Variants in SFXN1 observed in about 807,000 individuals in gnomAD.
SFXN1 encodes sideroflexin 1.
In SFXN1, 32 loss-of-function variants were observed where a neutral mutation model predicts 39.5. That is an observed-to-expected ratio of 0.81 (90% CI 0.61 to 1.09). SFXN1 has a LOEUF of 1.09. Among genes scored for constraint, SFXN1 ranks in the 50% least tolerant of loss-of-function variants. The pLI is 0.00. For missense variants in SFXN1, 402 were observed against 407.1 expected (o/e 0.99, Z 0.11); for synonymous variants, 136 against 146.5 (o/e 0.93, Z 0.52).
Position 175,492,453 on chromosome 5 carries a change from A to G in SFXN1, c.164+186A>G, listed in dbSNP as rs1759695419. 1.1e-5 allele frequency: 6 copies of G among 531,922 alleles called. No homozygotes were observed. In the East Asian group the frequency reaches 1.7e-4, roughly 15 times the overall value. The allele number at this position is 531,922 out of a possible 1,614,324, so 33.0% of individuals were successfully genotyped here. ...ATATCCCCCATTGCTCGCCCTTAAC[A>G]CAGATATCTAGGGTTCATATTAACC... On this transcript the variant is annotated intron_variant, in intron 2 of 10. Coordinates refer to ENST00000321442, the MANE Select transcript of SFXN1 (RefSeq NM_022754.7).
chr5:175,490,613 G>A (rs544508281), intron 1 of SFXN1, among the ~76,000 whole-genome samples: 17 of 152,274 alleles, frequency 1.1e-4, no homozygotes, highest in South Asian at 2.1e-4. Flanking sequence ...TGTAGGGAAG[G>A]GAAACAGGTA....
intron 8 of SFXN1, among the ~76,000 whole-genome samples, chr5:175,517,502 C>G (rs888015217): frequency 4.6e-5 from 7 of 152,072 alleles, no homozygotes; most frequent in African/African-American, 9.7e-5. Context: ...ACAAGGGAGC[C>G]TGGTTGTAGG....
chr5:175,522,340 A>T, intron 9 of SFXN1, 35 bp from the exon 10 acceptor site: 1 of 1,563,990 alleles, frequency 6.4e-7, no homozygotes, highest in Non-Finnish European at 8.6e-7. Context: ...TTAACCATTT[A>T]AAATGGTCTG....
intron 2 of SFXN1, among the ~76,000 whole-genome samples, chr5:175,495,254 A>T (rs1759815009): frequency 1.3e-5 from 2 of 152,216 alleles, no homozygotes; most frequent in Non-Finnish European, 2.9e-5. Context: ...AGAGTAGTCA[A>T]ATTCAGAGAC....
In SFXN1 at chr5:175,522,423, G is replaced by T. The variant is rs1474136377; in HGVS notation, c.872+1G>T. The T allele has an allele frequency of 1.2e-6, 2 of 1,611,756 alleles. No homozygotes were observed. Among genetic ancestry groups the T allele is most frequent in the Non-Finnish European group, 1.7e-6 (2 of 1,179,580 alleles). ...GTTGTGCCCTGTTTCCTCAGAAAAG[G>T]TATGTATTTGTTATTCGTCAGAATC... On this transcript the variant is annotated splice_donor_variant, in intron 10 of 10. Transcript: ENST00000321442. LOFTEE classifies it high-confidence loss of function.
At chr5:175,500,055 G>T (rs1473162676) in intron 2 of SFXN1, among the ~76,000 whole-genome samples, 1 of 152,156 alleles carries the variant, frequency 6.6e-6, no homozygotes, top group Non-Finnish European at 1.5e-5. Flanking sequence ...AGGCCTGGTG[G>T]TGCATGCCTG....
chr5:175,485,788 G>T (rs944244259), intron 1 of SFXN1, among the ~76,000 whole-genome samples: 6 of 152,188 alleles, frequency 3.9e-5, no homozygotes, highest in African/African-American at 1.4e-4. Context: ...GGGTTTAACT[G>T]GAGTGTGCAG....
chr5:175,495,825 T>G (rs2113290410), intron 2 of SFXN1, among the ~76,000 whole-genome samples: 1 of 151,584 alleles, frequency 6.6e-6, no homozygotes, highest in East Asian at 1.9e-4. Flanking sequence ...AATAGACAAG[T>G]GATGAATGTT....
At chr5:175,505,024 G>A (rs1016772854) in intron 2 of SFXN1, among the ~76,000 whole-genome samples, 6 of 151,972 alleles carry the variant, frequency 3.9e-5, no homozygotes, top group East Asian at 1.9e-4. Flanking sequence ...CATCGCACCC[G>A]GCCAGAACAA....
chr5:175,509,447 A>C (rs1760435059), intron 3 of SFXN1: 1 of 278,420 alleles, frequency 3.6e-6, no homozygotes, highest in East Asian at 6.2e-5. Context: ...ATGGGGTATT[A>C]TTGATGTAAA....
At chr5:175,515,979 C>G (rs1760706979) in intron 7 of SFXN1, among the ~76,000 whole-genome samples, 1 of 151,684 alleles carries the variant, frequency 6.6e-6, no homozygotes, top group Non-Finnish European at 1.5e-5. Context: ...GAGCGGGCAA[C>G]CTAGATCCCT....
At chr5:175,503,728 C>T (rs757662207) in intron 2 of SFXN1, among the ~76,000 whole-genome samples, 3 of 152,146 alleles carry the variant, frequency 2.0e-5, no homozygotes, top group Non-Finnish European at 2.9e-5. Context: ...CCTGGCCGGG[C>T]GTGGTGGCTC....
At chr5:175,517,532 A>G (rs1039053500) in intron 8 of SFXN1, among the ~76,000 whole-genome samples, 1 of 152,056 alleles carries the variant, frequency 6.6e-6, no homozygotes, top group Non-Finnish European at 1.5e-5. Context: ...TCAGACCTCA[A>G]TGAGAGATAT....
intron 1 of SFXN1, among the ~76,000 whole-genome samples, chr5:175,480,806 T>C (rs1214640319): frequency 6.6e-6 from 1 of 152,204 alleles, no homozygotes; most frequent in Non-Finnish European, 1.5e-5. Context: ...CTGTATCCTG[T>C]TGTGTAGCAG....
chr5:175,503,750 C>G, intron 2 of SFXN1, among the ~76,000 whole-genome samples: 1 of 152,166 alleles, frequency 6.6e-6, no homozygotes, highest in South Asian at 2.1e-4. Context: ...CGCCCATAAT[C>G]CCAACACTTT....
At chr5:175,493,007 C>A (rs576645989) in intron 2 of SFXN1, among the ~76,000 whole-genome samples, 2 of 152,082 alleles carry the variant, frequency 1.3e-5, no homozygotes, top group African/African-American at 4.8e-5. Flanking sequence ...TAATCCCAGC[C>A]CTTTGGGAGG....
intron 2 of SFXN1, among the ~76,000 whole-genome samples, chr5:175,507,804 C>T (rs116750970): frequency 0.025 from 3,796 of 151,944 alleles, 133 homozygotes; most frequent in African/African-American, 0.084. Context: ...AATCCTGTGT[C>T]TACAAAAAAT....
rs181921622 is a variant in SFXN1 at position 175,493,344 on chromosome 5, G to A, written c.164+1077G>A. Among the ~76,000 whole-genome samples, 11 of 152,274 alleles carry A rather than the reference G, an allele frequency of 7.2e-5. No homozygotes were observed. The East Asian group carries it at 7.7e-4, about 11-fold the overall frequency. On this transcript the variant is annotated intron_variant, in intron 2 of 10. Transcript: ENST00000321442. ...TAGTTTGCTGACTCCTGCACTGGGGGAAAGTCAATCCAAAGCTGGGGATTG... is the reference window on the plus strand; with the variant it reads ...TAGTTTGCTGACTCCTGCACTGGGGAAAAGTCAATCCAAAGCTGGGGATTG...
At chr5:175,487,746 G>A (rs11956235) in intron 1 of SFXN1, among the ~76,000 whole-genome samples, 2,933 of 152,164 alleles carry the variant, frequency 0.019, 87 homozygotes, top group African/African-American at 0.066. Context: ...TCTGCTGCCC[G>A]CTGGACATCT....
Sources: gnomAD v4.1 joint callset for allele counts (sites outside exome capture counted in the v4.1 genomes callset) on GRCh38, gnomAD v4.1.1 for gene constraint, MANE v1.5 for transcripts, NCBI Gene and HGNC (gene_info 2026-07-23, HGNC 2026-07-21) for gene names.